Variants in MPPED1 observed in about 807,000 individuals in gnomAD.
The protein encoded by MPPED1 is metallophosphoesterase domain-containing protein 1.
A neutral mutation model predicts 36.2 loss-of-function variants in MPPED1; 16 were observed. The ratio of observed to expected loss-of-function variants is 0.44; its 90% CI spans 0.30 to 0.67. MPPED1 has a LOEUF of 0.67. Among genes scored for constraint, MPPED1 ranks in the 30% least tolerant of loss-of-function variants. MPPED1 has a pLI of 0.10. For missense variants in MPPED1, 307 were observed against 453.4 expected (o/e 0.68, Z 2.93); for synonymous variants, 199 against 191.3 (o/e 1.04, Z -0.33).
In MPPED1 at chr22:43,432,447, G is replaced by GGA. The variant is rs555617120; in HGVS notation, c.225-2580_225-2579dup. Among the ~76,000 whole-genome samples, 16 of 122,870 alleles carry GGA rather than the reference G, an allele frequency of 1.3e-4. No homozygotes were observed. In the South Asian group the frequency reaches 2.9e-3, roughly 22 times the overall value. 80.6% of individuals were successfully genotyped at this position (122,870 alleles called of 152,430 possible). A position where few individuals can be genotyped will look rare whatever the true frequency, so the allele number is the denominator to read the frequency against. ...GAGAGAAAGGGAGGAGAGAAAGGGA[G>GGA]GAGAGAGATAAAGAGAGGAGAGAGA... On this transcript the variant is annotated intron_variant, in intron 2 of 6. Transcript: ENST00000443721.
chr22:43,413,624 G>A (rs961273162), intron 1 of MPPED1, among the ~76,000 whole-genome samples: 1 of 152,212 alleles, frequency 6.6e-6, no homozygotes, highest in Admixed American at 6.5e-5. Flanking sequence ...GTCTGCAGGG[G>A]CCCTCTGTGT....
chr22:43,454,707 C>T (rs924131892), intron 3 of MPPED1, among the ~76,000 whole-genome samples: 3 of 152,284 alleles, frequency 2.0e-5, no homozygotes, highest in African/African-American at 7.2e-5. Flanking sequence ...CACACCACCA[C>T]ACCTAGCTAA....
At chr22:43,449,169 C>A (rs1253186474) in intron 3 of MPPED1, among the ~76,000 whole-genome samples, 1 of 152,156 alleles carries the variant, frequency 6.6e-6, no homozygotes, top group Non-Finnish European at 1.5e-5. Flanking sequence ...GCCTCGTATC[C>A]AAGTCACACG....
At chr22:43,499,663 C>T (rs1489382098) in intron 5 of MPPED1, among the ~76,000 whole-genome samples, 14 of 7,776 alleles carry the variant, frequency 1.8e-3, no homozygotes, top group East Asian at 4.3e-3. Flanking sequence ...ATGGGGGTGG[C>T]GGTGATGGGG....
intron 3 of MPPED1, among the ~76,000 whole-genome samples, chr22:43,463,856 T>TTTC (rs1217289983): frequency 1.3e-5 from 2 of 148,520 alleles, no homozygotes; most frequent in Non-Finnish European, 3.0e-5. Context: ...TCTTTCTTTC[T>TTTC]TTCTTTCTTT....
chr22:43,419,050 G>C (rs1238508483), intron 1 of MPPED1: 1 of 152,140 alleles, frequency 6.6e-6, no homozygotes, highest in African/African-American at 2.4e-5. Flanking sequence ...CCCTGGCAGG[G>C]GCTTTTGAAT....
chr22:43,433,098 C>T (rs1271935387), intron 2 of MPPED1, among the ~76,000 whole-genome samples: 1 of 152,028 alleles, frequency 6.6e-6, no homozygotes, highest in Non-Finnish European at 1.5e-5. Context: ...GTCACACCAG[C>T]TGTCTGTCAT....
chr22:43,415,836 G>A (rs1056466639), intron 1 of MPPED1, among the ~76,000 whole-genome samples: 10 of 152,094 alleles, frequency 6.6e-5, no homozygotes, highest in Non-Finnish European at 1.5e-4. Flanking sequence ...TCGCATTCCC[G>A]TCTCCTCCTT....
At chr22:43,473,960 A>G (rs1931461060) in intron 3 of MPPED1, among the ~76,000 whole-genome samples, 1 of 152,208 alleles carries the variant, frequency 6.6e-6, no homozygotes, top group Non-Finnish European at 1.5e-5. Flanking sequence ...ACACTATTGT[A>G]ATTCAGTGGC....
chr22:43,477,353 G>A (rs1931608387), intron 4 of MPPED1, among the ~76,000 whole-genome samples: 1 of 152,230 alleles, frequency 6.6e-6, no homozygotes, highest in South Asian at 2.1e-4. Context: ...TGGTGGAGGT[G>A]AGACCTGGGC....
intron 6 of MPPED1, among the ~76,000 whole-genome samples, chr22:43,504,954 C>T (rs147508637): frequency 1.6e-3 from 191 of 115,846 alleles, no homozygotes; most frequent in African/African-American, 4.6e-3. Flanking sequence ...TTGGTGATGG[C>T]GATGGTGGTG....
intron 3 of MPPED1, among the ~76,000 whole-genome samples, chr22:43,453,096 C>T (rs747082822): frequency 6.6e-6 from 1 of 151,908 alleles, no homozygotes; most frequent in Admixed American, 6.6e-5. Context: ...ACTACAGGCA[C>T]CCGCTACCAC....
intron 3 of MPPED1, among the ~76,000 whole-genome samples, chr22:43,454,805 C>T (rs748212481): frequency 2.0e-5 from 3 of 152,172 alleles, no homozygotes; most frequent in Admixed American, 6.5e-5. Context: ...CTTGCTTCAG[C>T]CTCCCAGAGT....
chr22:43,485,518 C>A (rs1406279579), intron 4 of MPPED1, among the ~76,000 whole-genome samples: 1 of 151,630 alleles, frequency 6.6e-6, no homozygotes, highest in East Asian at 1.9e-4. Context: ...CATACACATT[C>A]ACACACACAC....
intron 4 of MPPED1, among the ~76,000 whole-genome samples, chr22:43,495,816 A>T (rs1348740266): frequency 1.2e-4 from 1 of 8,488 alleles, no homozygotes; most frequent in African/African-American, 9.2e-4. Flanking sequence ...GTGGTGGTGG[A>T]GGTGGTGGTG....
intron 4 of MPPED1, among the ~76,000 whole-genome samples, chr22:43,483,251 C>G (rs535002691): frequency 2.1e-4 from 32 of 152,380 alleles, no homozygotes; most frequent in African/African-American, 7.2e-4. Flanking sequence ...CCTTGCCTCC[C>G]ACCAGAACGG....
chr22:43,446,201 T>C (rs1421686676), intron 3 of MPPED1, among the ~76,000 whole-genome samples: 2 of 152,254 alleles, frequency 1.3e-5, no homozygotes, highest in Non-Finnish European at 2.9e-5. Flanking sequence ...TTTTTAACTC[T>C]GCCTCAAACT....
chr22:43,499,521 TGGTGATGGA>T, intron 5 of MPPED1, among the ~76,000 whole-genome samples: 1 of 123,744 alleles, frequency 8.1e-6, no homozygotes, highest in East Asian at 2.7e-4. Context: ...GTGATGGTGG[TGGTGATGGA>T]GGTGGTGGTG....
intron 3 of MPPED1, among the ~76,000 whole-genome samples, chr22:43,462,808 A>G (rs975194129): frequency 3.3e-5 from 5 of 152,130 alleles, no homozygotes; most frequent in Non-Finnish European, 7.3e-5. Flanking sequence ...CACCATCTTC[A>G]GATGGCCATC....
Sources: allele counts gnomAD v4.1 joint callset (sites outside exome capture counted in the v4.1 genomes callset), GRCh38; gene constraint gnomAD v4.1.1; transcripts MANE v1.5; gene names NCBI Gene and HGNC (gene_info 2026-07-23, HGNC 2026-07-21).